GSG1L: variants seen among roughly 807,000 people sequenced by gnomAD.
GSG1L encodes germ cell-specific gene 1-like protein.
GSG1L carries 24 observed loss-of-function variants against 42.1 expected under a neutral mutation model. The observed-to-expected ratio is 0.57, with a 90% CI of 0.41 to 0.80. GSG1L has a LOEUF of 0.80. Among genes scored for constraint, GSG1L ranks in the 30% least tolerant of loss-of-function variants. The pLI, the probability that GSG1L is intolerant of heterozygous loss-of-function variation, is 0.00. For synonymous variants in GSG1L, 215 were observed against 203.5 expected, an observed-to-expected ratio of 1.06 and a Z score of -0.48; for missense variants, 445 against 472.2, an observed-to-expected ratio of 0.94 and a Z score of 0.53.
At chr16:27,937,398 T>G (rs2084730336) in intron 2 of GSG1L, among the ~76,000 whole-genome samples, 1 of 151,898 alleles carries the variant, frequency 6.6e-6, no homozygotes, top group Non-Finnish European at 1.5e-5. Flanking sequence ...CCCACCACCA[T>G]GCCCAGCTAA....
intron 2 of GSG1L, among the ~76,000 whole-genome samples, chr16:27,935,542 C>A (rs987279785): frequency 6.6e-6 from 1 of 152,104 alleles, no homozygotes; most frequent in African/African-American, 2.4e-5. Flanking sequence ...TGCTGAGGCT[C>A]TCCCCAAGAT....
At chr16:27,909,737 G>A (rs571079377) in intron 2 of GSG1L, among the ~76,000 whole-genome samples, 19 of 149,418 alleles carry the variant, frequency 1.3e-4, no homozygotes, top group African/African-American at 3.5e-4. Context: ...GACCTCCAGG[G>A]CTCATGTGAT....
chr16:27,881,050 T>C (rs939743011), intron 3 of GSG1L, among the ~76,000 whole-genome samples: 1 of 152,106 alleles, frequency 6.6e-6, no homozygotes, highest in Non-Finnish European at 1.5e-5. Context: ...TCAGGGTCCC[T>C]CTGACCATCT....
rs1170485630 is a variant in GSG1L, at chr16:27,884,682, A to C, written c.398-44T>G. ...GAGGCCGTGAGATGAGGGGCCACCC[A>C]AGATAGACTCACCCTGTGCCTATTC... On this transcript the variant is annotated intron_variant, in intron 2 of 6. Transcript: ENST00000447459. This position sits in a 1 kb window ranked among gnomAD's most constrained non-coding sequence, Gnocchi z 4.4. 1.3e-6 allele frequency: 2 copies of C among 1,539,344 alleles called. No homozygotes were observed. The highest frequency in any genetic ancestry group is 1.8e-6 in the Non-Finnish European group (2 of 1,137,864).
rs71140935 is a variant in GSG1L at position 27,973,439 on chromosome 16, C to CAAAAAAAAAAAAAAAAA, written c.350-10253_350-10237dup. On this transcript the variant is annotated intron_variant, in intron 1 of 6. Transcript: ENST00000447459. Reference sequence around the variant, plus strand: ...AGCCTGGGCAATAAAGACCCCATCACAAAAAAAAAAAAAAAAAAAAAAAAA... The same window carrying CAAAAAAAAAAAAAAAAA: ...AGCCTGGGCAATAAAGACCCCATCACAAAAAAAAAAAAAAAAAAAAAAAAAAAAAAAAAAAAAAAAAA... Among the ~76,000 whole-genome samples, 4 of 29,848 alleles carry CAAAAAAAAAAAAAAAAA rather than the reference C, an allele frequency of 1.3e-4. 1 individual carries two copies. Among genetic ancestry groups the CAAAAAAAAAAAAAAAAA allele is most frequent in the Non-Finnish European group, 2.4e-4 (4 of 16,710 alleles). 19.6% of individuals were successfully genotyped at this position (29,848 alleles called of 152,430 possible).
chr16:27,809,501 C>T (rs979052556), intron 5 of GSG1L, among the ~76,000 whole-genome samples: 5 of 151,982 alleles, frequency 3.3e-5, no homozygotes, highest in Middle Eastern at 3.2e-3. Flanking sequence ...TCGCTTGAGC[C>T]CAGGAGATCG....
chr16:27,873,107 C>T (rs552661834), intron 3 of GSG1L, among the ~76,000 whole-genome samples: 8 of 152,314 alleles, frequency 5.3e-5, no homozygotes, highest in South Asian at 4.1e-4. Context: ...GTAACAATAG[C>T]GCTGGACAGA....
At chr16:27,868,106 C>T (rs1272875015) in intron 3 of GSG1L, among the ~76,000 whole-genome samples, 1 of 152,254 alleles carries the variant, frequency 6.6e-6, no homozygotes, top group Non-Finnish European at 1.5e-5. Context: ...TGCCTGGGGC[C>T]AGGCTCATTT....
rs1567485082 is a variant in GSG1L, at chr16:27,849,206, A to ACCCCCC, written c.551-4146_551-4145insGGGGGG. ...GAGTGAGCCTCTATCCCAAAAAGAA[A>ACCCCCC]AAAAAAAAAAAAAAAAAGAGAAAAG... On this transcript the variant is annotated intron_variant, in intron 3 of 6. Coordinates refer to ENST00000447459, the MANE Select transcript of GSG1L (RefSeq NM_001109763.2). Among the ~76,000 whole-genome samples, 173 of 122,040 alleles carry ACCCCCC rather than the reference A, an allele frequency of 1.4e-3. 2 individuals are homozygous for ACCCCCC. Among genetic ancestry groups the ACCCCCC allele is most frequent in the African/African-American group, 2.2e-3 (64 of 29,552 alleles). 80.1% of individuals were successfully genotyped at this position (122,040 alleles called of 152,430 possible).
At chr16:27,792,166 T>C (rs961936391) in intron 6 of GSG1L, among the ~76,000 whole-genome samples, 2 of 152,160 alleles carry the variant, frequency 1.3e-5, no homozygotes, top group Admixed American at 1.3e-4. Flanking sequence ...CAGGCCTCCT[T>C]GAGCACCCCA....
In GSG1L at chr16:27,894,224, G is replaced by A. The variant is rs138881495; in HGVS notation, c.398-9586C>T. Among the ~76,000 whole-genome samples the A allele has an allele frequency of 1.1e-4, 16 of 152,372 alleles. No homozygotes were observed. The East Asian group carries it at 3.1e-3, about 29-fold the overall frequency. ...ACATGAAGCAGCCAGCCCATGGACT[G>A]TTGTGAGGATTAAGTGAGTTAATTA... On this transcript the variant is annotated intron_variant, in intron 2 of 6. Coordinates refer to ENST00000447459, the MANE Select transcript of GSG1L (RefSeq NM_001109763.2).
intron 4 of GSG1L, among the ~76,000 whole-genome samples, chr16:27,831,109 C>T (rs981308843): frequency 6.6e-6 from 1 of 152,208 alleles, no homozygotes; most frequent in Non-Finnish European, 1.5e-5. Flanking sequence ...GACTCAACTC[C>T]TGGACTTGGC....
chr16:27,851,892 G>A (rs897943734), intron 3 of GSG1L, among the ~76,000 whole-genome samples: 6 of 152,178 alleles, frequency 3.9e-5, no homozygotes, highest in Admixed American at 1.3e-4. Flanking sequence ...CCCTCGAGGT[G>A]GGGGTGGACC....
chr16:28,004,621 A>C (rs891194132), intron 1 of GSG1L, among the ~76,000 whole-genome samples: 1 of 151,924 alleles, frequency 6.6e-6, no homozygotes, highest in Non-Finnish European at 1.5e-5. Context: ...CTCTACAAAA[A>C]ACAAAAATTT....
chr16:28,020,096 G>A (rs1170497507), intron 1 of GSG1L, among the ~76,000 whole-genome samples: 2 of 152,180 alleles, frequency 1.3e-5, no homozygotes, highest in African/African-American at 2.4e-5. Flanking sequence ...CTTCGTTCGC[G>A]CAGAGACATT....
rs868350852 is a variant in GSG1L at position 27,946,549 on chromosome 16, A to G, written c.397+16607T>C. 1.4e-3 allele frequency among the ~76,000 whole-genome samples: 71 copies of G among 51,976 alleles called. No homozygotes were observed. In the East Asian group the frequency reaches 0.045, roughly 33 times the overall value. 34.1% of individuals were successfully genotyped at this position (51,976 alleles called of 152,430 possible). The stretch of plus-strand genomic sequence containing the variant: ...CACAGAGCAAGACTCTGTCTCAAAA[A>G]AAAGAAAGAAAGAAAGAAAGAAAGA... On this transcript the variant is annotated intron_variant, in intron 2 of 6. Coordinates refer to ENST00000447459, the MANE Select transcript of GSG1L (RefSeq NM_001109763.2).
At chr16:27,930,513 C>T (rs2084643932) in intron 2 of GSG1L, among the ~76,000 whole-genome samples, 1 of 152,210 alleles carries the variant, frequency 6.6e-6, no homozygotes, top group Non-Finnish European at 1.5e-5. Context: ...CTTTTCTTCA[C>T]TGCTGTATTT....
rs17706614 is a variant in GSG1L, at chr16:27,884,827, G to A, written c.398-189C>T. ...GTCTGCAGGGGCCGGCTCAGGGACC[G>A]AAGCTTAAGTCAGCATTCTCTGGAT... On this transcript the variant is annotated intron_variant, in intron 2 of 6. Coordinates refer to ENST00000447459, the MANE Select transcript of GSG1L (RefSeq NM_001109763.2). The surrounding 1 kb of genome is among the most constrained non-coding windows in gnomAD (Gnocchi z 4.4). Among the ~76,000 whole-genome samples, 9,453 of 152,252 alleles carry A rather than the reference G, an allele frequency of 0.062. 360 individuals are homozygous for A. Among genetic ancestry groups the A allele is most frequent in the Middle Eastern group, 0.095 (28 of 294 alleles).
intron 5 of GSG1L, among the ~76,000 whole-genome samples, chr16:27,807,760 G>C (rs1418329920): frequency 6.6e-6 from 1 of 152,144 alleles, no homozygotes; most frequent in East Asian, 1.9e-4. Flanking sequence ...AAGAAACTGA[G>C]GCTTTTGGAG....
Sources: gnomAD v4.1 joint callset for allele counts (sites outside exome capture counted in the v4.1 genomes callset) on GRCh38, gnomAD v4.1.1 for gene constraint, Gnocchi (gnomAD v3.1) non-coding constraint, MANE v1.5 for transcripts, NCBI Gene and HGNC (gene_info 2026-07-23, HGNC 2026-07-21) for gene names.